VPS35L: variants seen among roughly 807,000 people sequenced by gnomAD.
VPS35L encodes the protein VPS35 endosomal protein sorting factor like.
VPS35L carries 83 observed loss-of-function variants against 133.0 expected under a neutral mutation model. The ratio of observed to expected loss-of-function variants is 0.62; its 90% CI spans 0.52 to 0.75. The LOEUF is 0.75. Among genes scored for constraint, VPS35L ranks in the 30% least tolerant of loss-of-function variants. The probability of loss-of-function intolerance (pLI) is 0.00; values close to 1 mark genes in which losing one functional copy is unlikely to be tolerated. For missense variants in VPS35L, 1,083 were observed against 1,206.8 expected (o/e 0.90, Z 1.52); for synonymous variants, 423 against 449.9 (o/e 0.94, Z 0.76).
chr16:19,670,947 A>G (rs540916252), intron 27 of VPS35L, among the ~76,000 whole-genome samples: 2 of 152,348 alleles, frequency 1.3e-5, no homozygotes, highest in East Asian at 1.9e-4. Flanking sequence ...ATCAACAGAT[A>G]TGTTCACATC....
intron 26 of VPS35L, 75 bp from the exon 27 acceptor site, chr16:19,669,085 C>T: frequency 6.7e-7 from 1 of 1,481,974 alleles, no homozygotes; most frequent in East Asian, 2.3e-5. Context: ...GACTGGCCTT[C>T]AGGCCACGTG....
At chr16:19,565,572 C>T (rs946313157) in intron 2 of VPS35L, among the ~76,000 whole-genome samples, 3 of 152,128 alleles carry the variant, frequency 2.0e-5, no homozygotes, top group African/African-American at 7.2e-5. Flanking sequence ...AGGCTGGTCT[C>T]GAACCCTTGA....
intron 27 of VPS35L, among the ~76,000 whole-genome samples, chr16:19,679,073 T>C (rs919800501): frequency 2.9e-5 from 4 of 140,062 alleles, no homozygotes; most frequent in South Asian, 4.6e-4. Flanking sequence ...AATATATTTT[T>C]GGACAGCCAC....
chr16:19,572,864 G>A (rs893886678), intron 3 of VPS35L, among the ~76,000 whole-genome samples: 14 of 151,924 alleles, frequency 9.2e-5, no homozygotes, highest in African/African-American at 3.4e-4. Flanking sequence ...TAGTAGAGAT[G>A]GGGTTTTACC....
intron 26 of VPS35L, among the ~76,000 whole-genome samples, chr16:19,661,193 T>C (rs1974474388): frequency 6.6e-6 from 1 of 152,068 alleles, no homozygotes; most frequent in East Asian, 1.9e-4. Flanking sequence ...AGTACCCTCT[T>C]TGTAATGGCT....
intron 18 of VPS35L, among the ~76,000 whole-genome samples, chr16:19,630,781 A>G (rs990900884): frequency 6.6e-6 from 1 of 151,986 alleles, no homozygotes; most frequent in African/African-American, 2.4e-5. Context: ...GAAGGAGATT[A>G]ATGCCCTTAT....
In VPS35L at chr16:19,689,100, G is replaced by A. The variant is rs766772324; in HGVS notation, c.2528-2253G>A. Among the ~76,000 whole-genome samples the A allele has an allele frequency of 5.0e-4, 74 of 148,026 alleles. 1 individual carries two copies. The highest frequency in any genetic ancestry group is 8.6e-4 in the Non-Finnish European group (58 of 67,504). ...TGTCGCCAGGCTGGAGTGCAGGAGC[G>A]TGCCAGTAGCTGGGACTACAGGCGC... On this transcript the variant is annotated intron_variant, in intron 28 of 30. Coordinates refer to ENST00000417362, the MANE Select transcript of VPS35L (RefSeq NM_020314.7).
At chr16:19,689,705 G>A (rs1041758153) in intron 28 of VPS35L, among the ~76,000 whole-genome samples, 3 of 152,022 alleles carry the variant, frequency 2.0e-5, no homozygotes, top group African/African-American at 2.4e-5. Context: ...ATTTCACTTC[G>A]TCCCACCCAG....
At chr16:19,555,773 T>C (rs1337092780) in intron 1 of VPS35L, 27 bp downstream of exon 1, 3 of 1,562,606 alleles carry the variant, frequency 1.9e-6, no homozygotes, top group Non-Finnish European at 2.6e-6. Flanking sequence ...GGGTGGGCTT[T>C]GGAGAGGGGC....
chr16:19,601,544 C>A, intron 8 of VPS35L, 120 bp from the exon 9 acceptor site: 2 of 924,534 alleles, frequency 2.2e-6, no homozygotes, highest in South Asian at 1.7e-5. Flanking sequence ...TGGCAGCATA[C>A]CATCACAAGT....
chr16:19,617,127 G>A, intron 14 of VPS35L: 1 of 568,378 alleles, frequency 1.8e-6, no homozygotes, highest in Non-Finnish European at 3.1e-6. Flanking sequence ...AGGCCAAGGT[G>A]GGAGGATCAC....
intron 14 of VPS35L, 39 bp downstream of exon 14, chr16:19,616,847 G>T (rs1430294335): frequency 6.2e-7 from 1 of 1,613,818 alleles, no homozygotes; most frequent in East Asian, 2.2e-5. Flanking sequence ...CTCACCTCCT[G>T]TATGGTGACA....
chr16:19,640,126 GC>G (rs1348095673), intron 21 of VPS35L, 26 bp downstream of exon 21: 1 of 1,596,074 alleles, frequency 6.3e-7, no homozygotes, highest in South Asian at 1.1e-5. Flanking sequence ...TGCAGCAGAA[GC>G]CTTGATTCCC....
chr16:19,651,887 T>C (rs1268378235), intron 25 of VPS35L, 89 bp from the exon 26 acceptor site: 3 of 980,514 alleles, frequency 3.1e-6, no homozygotes. Flanking sequence ...TGTAAGTTTC[T>C]TTCCTTGGAA....
intron 23 of VPS35L, among the ~76,000 whole-genome samples, chr16:19,646,534 G>A (rs146610790): frequency 0.056 from 8,443 of 152,032 alleles, 546 homozygotes; most frequent in African/African-American, 0.15. Context: ...GTGTTGTGGT[G>A]CATGCCTGTA....
Position 19,699,412 on chromosome 16 carries a change from C to G in VPS35L, c.2647-90C>G. 6.7e-7 allele frequency: 1 copy of G among 1,502,322 alleles called. No homozygotes were observed. The highest frequency in any genetic ancestry group is 9.1e-7 in the Non-Finnish European group (1 of 1,103,624). 93.1% of individuals were successfully genotyped at this position (1,502,322 alleles called of 1,614,324 possible). A position where few individuals can be genotyped will look rare whatever the true frequency, so the allele number is the denominator to read the frequency against. Reference sequence around the variant, plus strand: ...AGCTGGCACTGGAACTCAGGCATGACCTACCCCAGAGTCAGCACTGTCCAC... The same window carrying G: ...AGCTGGCACTGGAACTCAGGCATGAGCTACCCCAGAGTCAGCACTGTCCAC... On this transcript the variant is annotated intron_variant, in intron 29 of 30. Transcript: ENST00000417362. This position sits in a 1 kb window ranked among gnomAD's most constrained non-coding sequence, Gnocchi z 4.2.
At chr16:19,700,231 CT>C in intron 30 of VPS35L, 146 bp from the exon 31 acceptor site, 1 of 666,178 alleles carries the variant, frequency 1.5e-6, no homozygotes, top group African/African-American at 1.8e-5. Flanking sequence ...AAGTTGAAGA[CT>C]TTGATTTCTT....
At chr16:19,640,659 AT>A (rs553591895) in intron 21 of VPS35L, among the ~76,000 whole-genome samples, 101 of 152,278 alleles carry the variant, frequency 6.6e-4, no homozygotes, top group African/African-American at 2.0e-3. Context: ...AGTTCTTTTC[AT>A]TTTTTTGATT....
At chr16:19,686,908 C>G (rs573703848) in intron 28 of VPS35L, among the ~76,000 whole-genome samples, 49 of 152,226 alleles carry the variant, frequency 3.2e-4, no homozygotes, top group Admixed American at 4.6e-4. Context: ...CCTGTACTGC[C>G]CCCCCTTCCT....
Sources: allele counts gnomAD v4.1 joint callset (sites outside exome capture counted in the v4.1 genomes callset), GRCh38; gene constraint gnomAD v4.1.1; non-coding constraint Gnocchi (gnomAD v3.1); transcripts MANE v1.5; gene names NCBI Gene and HGNC (gene_info 2026-07-23, HGNC 2026-07-21).